CAMTA1: variants seen among roughly 807,000 people sequenced by gnomAD.
CAMTA1 encodes calmodulin-binding transcription activator 1.
In CAMTA1, 27 loss-of-function variants were observed where a neutral mutation model predicts 170.9. The ratio of observed to expected loss-of-function variants is 0.16; its 90% CI spans 0.12 to 0.22. The LOEUF is 0.22. CAMTA1 is among the 10% of genes least tolerant of loss of function. The pLI, the probability that CAMTA1 is intolerant of heterozygous loss-of-function variation, is 1.00. For missense variants in CAMTA1, 1,619 were observed against 2,217.2 expected (o/e 0.73, Z 5.42); for synonymous variants, 833 against 891.5 (o/e 0.93, Z 1.17).
chr1:7,295,866 C>T (rs892772320), intron 5 of CAMTA1, among the ~76,000 whole-genome samples: 13 of 152,208 alleles, frequency 8.5e-5, no homozygotes, highest in African/African-American at 2.9e-4. Flanking sequence ...CAGTTTAAAA[C>T]AATGCATATT....
intron 4 of CAMTA1, among the ~76,000 whole-genome samples, chr1:7,123,888 C>A (rs1166407366): frequency 2.0e-5 from 3 of 152,166 alleles, no homozygotes; most frequent in African/African-American, 7.2e-5. Flanking sequence ...AGTCCAAGGG[C>A]AGCCAGGGGA....
chr1:7,768,851 A>C lies in CAMTA1; in HGVS notation c.*2360A>C, dbSNP rs1005408466. On this transcript the variant is annotated 3_prime_UTR_variant, in exon 23 of 23. Coordinates refer to ENST00000303635, the MANE Select transcript of CAMTA1 (RefSeq NM_015215.4). ...CTGAGTAATTTACAAACACAACTGC[A>C]TTCATAAATGGGAATAGAACGTGAA... 6.6e-6 allele frequency: 1 copy of C among 152,490 alleles called. No individual in the cohort carries two copies. Among genetic ancestry groups the C allele is most frequent in the Admixed American group, 6.5e-5 (1 of 15,278 alleles). 9.4% of individuals were successfully genotyped at this position (152,490 alleles called of 1,614,324 possible).
intron 9 of CAMTA1, among the ~76,000 whole-genome samples, chr1:7,668,006 C>G (rs1046814623): frequency 4.6e-5 from 7 of 152,196 alleles, no homozygotes; most frequent in Admixed American, 2.6e-4. Flanking sequence ...GTGCCCCCAT[C>G]CTGGGTTCTA....
At chr1:7,513,926 AACACATACACACACAC>A (rs151035049) in intron 6 of CAMTA1, among the ~76,000 whole-genome samples, 44,127 of 151,400 alleles carry the variant, frequency 0.29, 6,660 homozygotes, top group East Asian at 0.42. Flanking sequence ...CCGTCTCAAA[AACACATACACACACAC>A]ACACATACAC....
At chr1:6,958,674 C>T (rs377371364) in intron 3 of CAMTA1, among the ~76,000 whole-genome samples, 91 of 152,300 alleles carry the variant, frequency 6.0e-4, no homozygotes, top group African/African-American at 2.1e-3. Context: ...GTGCATGAAG[C>T]GAATCTCCTC....
intron 7 of CAMTA1, among the ~76,000 whole-genome samples, 179 bp from the exon 8 acceptor site, chr1:7,661,547 G>T (rs578171238): frequency 1.7e-4 from 26 of 152,294 alleles, no homozygotes; most frequent in African/African-American, 6.3e-4. Context: ...GGGGTCTGGC[G>T]GGGGCAGCCT....
chr1:7,637,383 A>T (rs1054477030), intron 6 of CAMTA1, among the ~76,000 whole-genome samples: 2 of 152,082 alleles, frequency 1.3e-5, no homozygotes, highest in African/African-American at 4.8e-5. Flanking sequence ...ATCTTTACTC[A>T]TCTTGCTCAG....
chr1:7,684,237 C>T (rs1210752111), intron 11 of CAMTA1, among the ~76,000 whole-genome samples: 1 of 152,234 alleles, frequency 6.6e-6, no homozygotes, highest in East Asian at 1.9e-4. Flanking sequence ...GAGGACGCCC[C>T]AGGACTCGGG....
At chr1:7,444,782 G>C (rs2092636801) in intron 5 of CAMTA1, among the ~76,000 whole-genome samples, 1 of 152,196 alleles carries the variant, frequency 6.6e-6, no homozygotes, top group South Asian at 2.1e-4. Context: ...CATAGAAATG[G>C]GGGTTTCCCC....
chr1:7,303,510 A>G (rs552293857), intron 5 of CAMTA1, among the ~76,000 whole-genome samples: 2 of 152,280 alleles, frequency 1.3e-5, no homozygotes, highest in South Asian at 2.1e-4. Flanking sequence ...AAATTAGTAC[A>G]TTTTACCAGC....
At chr1:7,292,587 C>T (rs1451422023) in intron 5 of CAMTA1, among the ~76,000 whole-genome samples, 1 of 152,124 alleles carries the variant, frequency 6.6e-6, no homozygotes, top group African/African-American at 2.4e-5. Context: ...CTGAATTCCC[C>T]ACTCTCCGTA....
chr1:7,033,153 T>C (rs12738895), intron 3 of CAMTA1, among the ~76,000 whole-genome samples: 95,803 of 152,076 alleles, frequency 0.63, 31,583 homozygotes, highest in African/African-American at 0.84. Flanking sequence ...CTGTCCCATC[T>C]TCTGCATAGG....
At chr1:7,513,969 A>G (rs1317860016) in intron 6 of CAMTA1, among the ~76,000 whole-genome samples, 1 of 142,112 alleles carries the variant, frequency 7.0e-6, no homozygotes, top group African/African-American at 2.6e-5. Flanking sequence ...ACACATACAC[A>G]CACAAACACC....
intron 6 of CAMTA1, among the ~76,000 whole-genome samples, chr1:7,541,398 A>C (rs1223508989): frequency 6.6e-6 from 1 of 152,208 alleles, no homozygotes; most frequent in Non-Finnish European, 1.5e-5. Flanking sequence ...TTGCTGAGTT[A>C]GAGGTTGGGA....
chr1:7,375,694 G>A (rs2086791963), intron 5 of CAMTA1, among the ~76,000 whole-genome samples: 1 of 152,248 alleles, frequency 6.6e-6, no homozygotes, highest in Non-Finnish European at 1.5e-5. Context: ...TACCCAGGCT[G>A]GAGGATGGCA....
intron 4 of CAMTA1, among the ~76,000 whole-genome samples, chr1:7,099,331 A>T (rs1268253039): frequency 6.6e-6 from 1 of 152,174 alleles, no homozygotes; most frequent in Non-Finnish European, 1.5e-5. Flanking sequence ...GATTACAGGC[A>T]TGAGTCAGTG....
chr1:7,457,206 C>T (rs1265238516), intron 5 of CAMTA1, among the ~76,000 whole-genome samples: 2 of 151,914 alleles, frequency 1.3e-5, no homozygotes, highest in South Asian at 2.1e-4. Context: ...ATTTTATGCC[C>T]ACTAATTTAT....
chr1:6,818,268 C>G (rs898607237), intron 1 of CAMTA1, among the ~76,000 whole-genome samples: 2 of 152,122 alleles, frequency 1.3e-5, no homozygotes, highest in Non-Finnish European at 2.9e-5. Context: ...ACCTGGGAGG[C>G]AGAGGTTGCA....
chr1:7,593,924 C>G (rs1216619787), intron 6 of CAMTA1, among the ~76,000 whole-genome samples: 1 of 151,486 alleles, frequency 6.6e-6, no homozygotes, highest in East Asian at 2.0e-4. Context: ...TGCCTGTAAT[C>G]TCAGCTACTC....
Sources: gnomAD v4.1 joint callset for allele counts (sites outside exome capture counted in the v4.1 genomes callset) on GRCh38, gnomAD v4.1.1 for gene constraint, MANE v1.5 for transcripts, NCBI Gene and HGNC (gene_info 2026-07-23, HGNC 2026-07-21) for gene names.